CHRNA5: variants seen among roughly 807,000 people sequenced by gnomAD.
CHRNA5 encodes neuronal acetylcholine receptor subunit alpha-5.
In CHRNA5, 28 loss-of-function variants were observed where a neutral mutation model predicts 41.2. The observed-to-expected ratio is 0.68, with a 90% CI of 0.50 to 0.93. The LOEUF is 0.93. Ranked by LOEUF, CHRNA5 falls within the 40% of genes least tolerant of loss-of-function variation. The probability of loss-of-function intolerance (pLI) is 0.00; values close to 1 mark genes in which losing one functional copy is unlikely to be tolerated. For missense variants in CHRNA5, 481 were observed against 581.9 expected (o/e 0.83, Z 1.78); for synonymous variants, 188 against 205.8 (o/e 0.91, Z 0.74).
intron 2 of CHRNA5, among the ~76,000 whole-genome samples, chr15:78,586,092 C>T (rs1454712468): frequency 6.6e-6 from 1 of 152,136 alleles, no homozygotes; most frequent in Non-Finnish European, 1.5e-5. Flanking sequence ...CTGCGCCCAG[C>T]CCTCAATGTT....
At chr15:78,593,873 TC>T (rs964293597) in exon 6 of CHRNA5, 76 of 151,246 alleles carry the variant, frequency 5.0e-4, no homozygotes, top group African/African-American at 1.8e-3. Flanking sequence ...AAACCCCGTC[TC>T]TACTAAAAAT....
chr15:78,578,401 G>A (rs926060001), intron 1 of CHRNA5, among the ~76,000 whole-genome samples: 10 of 152,178 alleles, frequency 6.6e-5, no homozygotes, highest in Non-Finnish European at 1.0e-4. Flanking sequence ...CCTGCTGTTC[G>A]GGAGGCTGAG....
chr15:78,583,142 A>G (rs1266439776), intron 2 of CHRNA5, among the ~76,000 whole-genome samples: 1 of 152,194 alleles, frequency 6.6e-6, no homozygotes, highest in Non-Finnish European at 1.5e-5. Context: ...CTGTCCCAGA[A>G]CCTAGCACGG....
intron 1 of CHRNA5, among the ~76,000 whole-genome samples, chr15:78,574,227 A>G (rs969690736): frequency 2.6e-5 from 4 of 151,682 alleles, no homozygotes; most frequent in African/African-American, 9.7e-5. Context: ...CTAAAAATAC[A>G]AAATTATCCG....
chr15:78,570,653 TAGG>T (rs914565055), intron 1 of CHRNA5, among the ~76,000 whole-genome samples: 11 of 152,236 alleles, frequency 7.2e-5, no homozygotes, highest in African/African-American at 2.4e-4. Flanking sequence ...CCAGTAAAAA[TAGG>T]AGTTAAATAT....
At chr15:78,593,322 G>A in exon 6 of CHRNA5, 1 of 1,416,962 alleles carries the variant, frequency 7.1e-7, no homozygotes, top group South Asian at 1.5e-5. Context: ...ATAAAATTAT[G>A]AAAATGTAAG....
rs1226351992 is a variant in CHRNA5, at chr15:78,582,484, C to CA, written c.258+1533dup. ...TGGGCAACAGAGCAAGACTCTGTCTCAAAAAAAAAAAGAAAAGAAAAGAAA... is the reference window on the plus strand; with the variant it reads ...TGGGCAACAGAGCAAGACTCTGTCTCAAAAAAAAAAAAGAAAAGAAAAGAAA... On this transcript the variant is annotated intron_variant, in intron 2 of 5. Transcript: ENST00000299565. 4.9e-3 allele frequency among the ~76,000 whole-genome samples: 502 copies of CA among 102,928 alleles called. 5 individuals are homozygous for CA. The highest frequency in any genetic ancestry group is 0.012 in the East Asian group (47 of 3,766). The allele number at this position is 102,928 out of a possible 152,430, so 67.5% of individuals were successfully genotyped here.
chr15:78,565,814 G>T, exon 1 of CHRNA5: 1 of 1,222,962 alleles, frequency 8.2e-7, no homozygotes, highest in Non-Finnish European at 1.0e-6. Context: ...GCGGCGGGCG[G>T]CGCGCAGAGA....
At chr15:78,565,583 C>G (rs1416914637) in exon 1 of CHRNA5, 1 of 226,240 alleles carries the variant, frequency 4.4e-6, no homozygotes, top group East Asian at 1.1e-4. Flanking sequence ...GGAGCTGTGG[C>G]GCGGAGCGGC....
chr15:78,570,422 C>CTTTTTTTTTTTTTTTTTTTTTTTT (rs1567050748), intron 1 of CHRNA5, among the ~76,000 whole-genome samples: 2 of 66,286 alleles, frequency 3.0e-5, no homozygotes, highest in African/African-American at 9.3e-5. Flanking sequence ...CCAATCCCGG[C>CTTTTTTTTTTTTTTTTTTTTTTTT]TATTTTTTTT....
intron 1 of CHRNA5, among the ~76,000 whole-genome samples, chr15:78,567,633 G>T (rs2052762370): frequency 1.3e-5 from 2 of 152,162 alleles, no homozygotes; most frequent in Admixed American, 6.5e-5. Flanking sequence ...TAAGAACTGT[G>T]ATTCTTGTTT....
chr15:78,581,069 C>A (rs2052910040), intron 2 of CHRNA5, 107 bp downstream of exon 2: 2 of 1,149,774 alleles, frequency 1.7e-6, no homozygotes, highest in Non-Finnish European at 1.2e-6. Flanking sequence ...GTGATTGAAG[C>A]AGTCCTTTGC....
chr15:78,595,248 T>TCA (rs2053082869), exon 6 of CHRNA5: 1 of 974,936 alleles, frequency 1.0e-6, no homozygotes, highest in African/African-American at 1.8e-5. Flanking sequence ...TTATGATTTT[T>TCA]ATATATAAAT....
chr15:78,566,149 G>A (rs871058), intron 1 of CHRNA5, among the ~76,000 whole-genome samples: 36,806 of 151,980 alleles, frequency 0.24, 5,629 homozygotes, highest in Non-Finnish European at 0.35. Context: ...TCCTGTCCTG[G>A]TGGCAGCCAA....
In CHRNA5 at chr15:78,586,644, G is replaced by A. The variant is rs201183620; in HGVS notation, c.259-1G>A. ...CTTATTTAAATTTTTATTTTTTAAA[G>A]GATGAGAAAAATCAGTTAATGACAA... is the stretch of plus-strand genomic sequence containing the variant. On this transcript the variant is annotated splice_acceptor_variant, in intron 2 of 5. Transcript: ENST00000299565. LOFTEE classifies it high-confidence loss of function. 1 of 1,561,398 alleles carries A rather than the reference G, an allele frequency of 6.4e-7. No individual in the cohort carries two copies. Among genetic ancestry groups the A allele is most frequent in the Non-Finnish European group, 8.7e-7 (1 of 1,146,174 alleles).
chr15:78,590,708 G>A, intron 5 of CHRNA5, 72 bp downstream of exon 5: 1 of 1,342,234 alleles, frequency 7.5e-7, no homozygotes, highest in African/African-American at 1.5e-5. Flanking sequence ...ATTAATTTTG[G>A]CAGAGTAAAC....
chr15:78,594,515 A>C (rs2053067344), exon 6 of CHRNA5: 1 of 152,318 alleles, frequency 6.6e-6, no homozygotes, highest in East Asian at 1.9e-4. Flanking sequence ...CGTCTCTACT[A>C]AGAATACAAA....
At chr15:78,586,054 A>G (rs1198213478) in intron 2 of CHRNA5, among the ~76,000 whole-genome samples, 1 of 151,998 alleles carries the variant, frequency 6.6e-6, no homozygotes, top group East Asian at 1.9e-4. Flanking sequence ...TTGGCCTCCC[A>G]AAGTGTTGGT....
At chr15:78,594,448 A>T (rs889018748) in exon 6 of CHRNA5, 4 of 152,166 alleles carry the variant, frequency 2.6e-5, no homozygotes, top group Non-Finnish European at 4.4e-5. Context: ...AGGCTGAGGC[A>T]GGTGGATCAC....
Sources: gnomAD v4.1 joint callset for allele counts (sites outside exome capture counted in the v4.1 genomes callset) on GRCh38, gnomAD v4.1.1 for gene constraint, MANE v1.5 for transcripts, NCBI Gene and HGNC (gene_info 2026-07-23, HGNC 2026-07-21) for gene names.